Variants in GOT2 observed in about 807,000 individuals in gnomAD.
GOT2 encodes aspartate aminotransferase, mitochondrial.
Under a neutral mutation model 50.0 loss-of-function variants are expected in GOT2, and 17 were observed. The ratio of observed to expected loss-of-function variants is 0.34; its 90% CI spans 0.23 to 0.51. The LOEUF is 0.51. Ranked by LOEUF, GOT2 falls within the 20% of genes least tolerant of loss-of-function variation. The probability of loss-of-function intolerance (pLI) is 0.97; values close to 1 mark genes in which losing one functional copy is unlikely to be tolerated. For synonymous variants in GOT2, 172 were observed against 204.9 expected (o/e 0.84, Z 1.37); for missense variants, 430 against 559.6 (o/e 0.77, Z 2.34).
chr16:58,716,456 T>C, intron 7 of GOT2: 1 of 612,096 alleles, frequency 1.6e-6, no homozygotes, highest in Non-Finnish European at 2.8e-6. Flanking sequence ...TTTCCTTTGC[T>C]GGAAAAACTT....
chr16:58,723,285 G>C (rs574730008), intron 2 of GOT2, among the ~76,000 whole-genome samples: 1 of 152,332 alleles, frequency 6.6e-6, no homozygotes, highest in African/African-American at 2.4e-5. Flanking sequence ...ACAAAAGAAA[G>C]AGGTGAAAAT....
intron 1 of GOT2, among the ~76,000 whole-genome samples, chr16:58,727,599 G>GA (rs1416851836): frequency 2.0e-5 from 3 of 152,130 alleles, no homozygotes; most frequent in Non-Finnish European, 4.4e-5. Flanking sequence ...GCACTGCAGG[G>GA]AGATGATGGA....
intron 1 of GOT2, among the ~76,000 whole-genome samples, chr16:58,731,276 C>A (rs572226404): frequency 1.3e-5 from 2 of 152,158 alleles, no homozygotes; most frequent in Non-Finnish European, 2.9e-5. Flanking sequence ...TCCCAAGTAG[C>A]TGGGACTCCA....
chr16:58,713,128 C>G (rs952703443), intron 8 of GOT2, among the ~76,000 whole-genome samples: 1 of 151,668 alleles, frequency 6.6e-6, no homozygotes, highest in Non-Finnish European at 1.5e-5. Flanking sequence ...AACAAAAAAA[C>G]CACACACACA....
At chr16:58,725,440 G>C (rs1013544574) in intron 1 of GOT2, among the ~76,000 whole-genome samples, 5 of 152,066 alleles carry the variant, frequency 3.3e-5, no homozygotes, top group Non-Finnish European at 7.3e-5. Flanking sequence ...AAGATCTTTA[G>C]GGTAACTTAC....
At position 58,720,878 on chromosome 16, in the gene GOT2, G is replaced by A. The variant is rs149028851; in HGVS notation, c.375+1272C>T. 4.6e-5 allele frequency among the ~76,000 whole-genome samples: 7 copies of A among 152,250 alleles called. No individual in the cohort carries two copies. The South Asian group carries it at 1.2e-3, about 27-fold the overall frequency. On this transcript the variant is annotated intron_variant, in intron 3 of 9. Transcript: ENST00000245206. ...TGGGATTACAGGAGTGAGCCACTGC[G>A]CCCGGCTGAGGCACAACAACTTATA...
At chr16:58,721,756 T>TG (rs2152096017) in intron 3 of GOT2, 1 of 153,700 alleles carries the variant, frequency 6.5e-6, no homozygotes, top group South Asian at 2.0e-4. Context: ...ACACACAAAA[T>TG]GAGTTATCTT....
At chr16:58,714,467 G>A (rs1264177319) in intron 8 of GOT2, among the ~76,000 whole-genome samples, 2 of 151,454 alleles carry the variant, frequency 1.3e-5, no homozygotes, top group Admixed American at 1.3e-4. Context: ...CAGGAGAATG[G>A]CGTGAACCCG....
At chr16:58,710,439 C>T (rs1240438206) in intron 8 of GOT2, among the ~76,000 whole-genome samples, 8 of 150,308 alleles carry the variant, frequency 5.3e-5, no homozygotes, top group Admixed American at 4.6e-4. Flanking sequence ...CCCATTTTGC[C>T]CAGGCTGGTC....
At chr16:58,732,957 A>T (rs2152099915) in intron 1 of GOT2, among the ~76,000 whole-genome samples, 1 of 152,310 alleles carries the variant, frequency 6.6e-6, no homozygotes, top group South Asian at 2.1e-4. Context: ...AAGAGAAAAA[A>T]GTGCGAAGCC....
At chr16:58,731,468 G>C (rs1219470596) in intron 1 of GOT2, among the ~76,000 whole-genome samples, 1 of 152,194 alleles carries the variant, frequency 6.6e-6, no homozygotes, top group East Asian at 1.9e-4. Context: ...CAATGGTTAT[G>C]GTACCACAGT....
chr16:58,731,942 A>C (rs1464217178), intron 1 of GOT2, among the ~76,000 whole-genome samples: 2 of 152,266 alleles, frequency 1.3e-5, no homozygotes, highest in African/African-American at 4.8e-5. Context: ...GTTAACCTTC[A>C]TGCCAAATAT....
chr16:58,708,151 G>C lies in GOT2; in HGVS notation c.*20C>G. 1 of 1,612,282 alleles carries C rather than the reference G, an allele frequency of 6.2e-7. No individual in the cohort carries two copies. The highest frequency in any genetic ancestry group is 8.5e-7 in the Non-Finnish European group (1 of 1,179,088). On this transcript the variant is annotated 3_prime_UTR_variant, in exon 10 of 10. Transcript: ENST00000245206. ...GGCTGAAGACAGAAAGGTTGTCTCTGTTTCCTCGCACCAGGGACATTACTT... is the reference window on the plus strand; with the variant it reads ...GGCTGAAGACAGAAAGGTTGTCTCTCTTTCCTCGCACCAGGGACATTACTT...
chr16:58,733,916 G>A (rs1597708819), intron 1 of GOT2: 1 of 396,122 alleles, frequency 2.5e-6, no homozygotes. Context: ...GGCCCAGTGC[G>A]GGGACCAGAG....
intron 1 of GOT2, among the ~76,000 whole-genome samples, chr16:58,730,526 C>A (rs1378515513): frequency 2.0e-5 from 3 of 152,012 alleles, no homozygotes; most frequent in Non-Finnish European, 4.4e-5. Flanking sequence ...GTGTGTGCCA[C>A]CGTGCCTGGC....
chr16:58,708,222 G>C lies in GOT2; in HGVS notation c.1242C>G (p.Thr414=), dbSNP rs1207270402. 6.2e-7 allele frequency: 1 copy of C among 1,614,116 alleles called. No homozygotes were observed. The highest frequency in any genetic ancestry group is 1.1e-5 in the South Asian group (1 of 91,078). The change falls in exon 10 of 10, where the codon ACC becomes ACG. Residue 414 remains threonine (T), a synonymous_variant. Coordinates refer to ENST00000245206, the MANE Select transcript of GOT2 (RefSeq NM_002080.4). ...KDGRISVAGV[T]SSNVGYLAHA... ...GGGCAAGGTAGCCCACGTTGCTGGA[G>C]GTGACCCCTGCCACAGAGATGCGGC...
intron 8 of GOT2, among the ~76,000 whole-genome samples, chr16:58,713,144 AAAAC>A (rs1482403524): frequency 6.6e-6 from 1 of 152,186 alleles, no homozygotes; most frequent in East Asian, 1.9e-4. Flanking sequence ...ACACAAACAA[AAAAC>A]AAATAAAGAA....
At position 58,716,188 on chromosome 16, in the gene GOT2, C is replaced by G. The variant is rs145365934; in HGVS notation, c.854-9G>C. 1.4e-4 allele frequency: 227 copies of G among 1,609,540 alleles called. No individual in the cohort carries two copies. Among genetic ancestry groups the G allele is most frequent in the Non-Finnish European group, 1.9e-4 (220 of 1,178,618 alleles). ...GGCTCCTACACGCTCACCTGAAAGA[C>G]AAAAATGGATCTCGTCTTCTACTTC... is the stretch of plus-strand genomic sequence containing the variant. On this transcript the variant is annotated splice_polypyrimidine_tract_variant and intron_variant, in intron 7 of 9. Transcript: ENST00000245206.
intron 2 of GOT2, among the ~76,000 whole-genome samples, chr16:58,722,934 T>C (rs1475250633): frequency 6.6e-6 from 1 of 152,176 alleles, no homozygotes. Flanking sequence ...AGAGAAAGCA[T>C]GTCAAGCTAT....
Sources: allele counts gnomAD v4.1 joint callset (sites outside exome capture counted in the v4.1 genomes callset), GRCh38; gene constraint gnomAD v4.1.1; transcripts MANE v1.5; gene names NCBI Gene and HGNC (gene_info 2026-07-23, HGNC 2026-07-21).